CUBN: variants seen among roughly 807,000 people sequenced by gnomAD.
CUBN encodes 460 kDa receptor.
Under a neutral mutation model 405.3 loss-of-function variants are expected in CUBN, and 282 were observed. The ratio of observed to expected loss-of-function variants is 0.70; its 90% confidence interval spans 0.63 to 0.77. CUBN has a LOEUF of 0.77. CUBN is among the 30% of genes least tolerant of loss of function. The pLI is 0.00. For synonymous variants in CUBN, 1,684 were observed against 1,617.0 expected, an observed-to-expected ratio of 1.04 and a Z score of -0.99; for missense variants, 4,514 against 4,475.2, an observed-to-expected ratio of 1.01 and a Z score of -0.25.
At chr10:16,879,589 T>C (rs1840610653) in intron 56 of CUBN, among the ~76,000 whole-genome samples, 1 of 152,250 alleles carries the variant, frequency 6.6e-6, no homozygotes, top group Non-Finnish European at 1.5e-5. Flanking sequence ...AAAATCGTTA[T>C]GCACACTTAC....
intron 10 of CUBN, among the ~76,000 whole-genome samples, chr10:17,107,975 T>C (rs1836676192): frequency 6.6e-6 from 1 of 152,192 alleles, no homozygotes; most frequent in South Asian, 2.1e-4. Flanking sequence ...TCTGAAACTG[T>C]TGAAGCTCTG....
chr10:16,890,193 A>G (rs780166928), intron 55 of CUBN, among the ~76,000 whole-genome samples, 178 bp downstream of exon 55: 11 of 151,980 alleles, frequency 7.2e-5, no homozygotes, highest in Non-Finnish European at 1.2e-4. Flanking sequence ...TCACTTCTCA[A>G]TTCAGTTCTG....
At position 17,044,659 on chromosome 10, in the gene CUBN, T is replaced by C. The variant is rs576563950; in HGVS notation, c.3672+348A>G. ...AAAATCCTAGTGGAATGACTCATATTATCTTCTCTACTTCGCCAAAACTGT... is the reference window on the plus strand; with the variant it reads ...AAAATCCTAGTGGAATGACTCATATCATCTTCTCTACTTCGCCAAAACTGT... On this transcript the variant is annotated intron_variant, in intron 25 of 66. Transcript: ENST00000377833. Among the ~76,000 whole-genome samples the C allele has an allele frequency of 3.3e-5, 5 of 152,296 alleles. No homozygotes were observed. The East Asian group carries it at 9.6e-4, about 29-fold the overall frequency.
chr10:16,910,043 T>A (rs1027335193), intron 48 of CUBN, among the ~76,000 whole-genome samples: 1 of 152,004 alleles, frequency 6.6e-6, no homozygotes, highest in African/African-American at 2.4e-5. Flanking sequence ...CTTCACTCTT[T>A]TCTTTTTTTT....
intron 9 of CUBN, 130 bp from the exon 10 acceptor site, chr10:17,109,865 T>A: frequency 1.4e-6 from 1 of 694,864 alleles, no homozygotes; most frequent in Non-Finnish European, 2.6e-6. Context: ...AAAATATAAG[T>A]ATAAAATGTC....
intron 60 of CUBN, among the ~76,000 whole-genome samples, chr10:16,842,940 C>A (rs1052064160): frequency 6.6e-6 from 1 of 152,242 alleles, no homozygotes; most frequent in South Asian, 2.1e-4. Flanking sequence ...TAAGGACTCC[C>A]TGTCATGGGC....
chr10:17,076,898 A>G (rs574883565), intron 17 of CUBN, among the ~76,000 whole-genome samples: 3 of 152,360 alleles, frequency 2.0e-5, no homozygotes, highest in Middle Eastern at 3.4e-3. Flanking sequence ...CGTTATTGAA[A>G]GCCACAGACG....
At chr10:17,095,796 T>A (rs1836360472) in intron 14 of CUBN, among the ~76,000 whole-genome samples, 1 of 152,166 alleles carries the variant, frequency 6.6e-6, no homozygotes, top group Non-Finnish European at 1.5e-5. Context: ...CACTTTCATG[T>A]TCATTGCAGC....
chr10:17,045,858 C>A, intron 24 of CUBN, 76 bp downstream of exon 24: 1 of 1,450,850 alleles, frequency 6.9e-7, no homozygotes, highest in South Asian at 1.1e-5. Flanking sequence ...AAGTGAGGGA[C>A]AGAGCATGAC....
intron 28 of CUBN, among the ~76,000 whole-genome samples, chr10:17,017,443 T>C (rs947834043): frequency 6.6e-6 from 1 of 152,150 alleles, no homozygotes; most frequent in African/African-American, 2.4e-5. Context: ...CTCTTGTTAG[T>C]ACTGGGACCT....
chr10:17,128,038 T>A (rs895061957), intron 2 of CUBN, 114 bp from the exon 3 acceptor site: 1 of 706,360 alleles, frequency 1.4e-6, no homozygotes, highest in South Asian at 1.8e-5. Context: ...ACTAAGATCT[T>A]GCCTATTATT....
intron 31 of CUBN, among the ~76,000 whole-genome samples, chr10:16,976,579 A>C (rs1314079110): frequency 2.6e-5 from 4 of 151,678 alleles, no homozygotes; most frequent in African/African-American, 9.7e-5. Context: ...TATTTTTTTA[A>C]TGATGACTTC....
At chr10:17,030,970 T>C (rs1834773617) in intron 27 of CUBN, among the ~76,000 whole-genome samples, 1 of 152,076 alleles carries the variant, frequency 6.6e-6, no homozygotes, top group Non-Finnish European at 1.5e-5. Context: ...ATACAGAAAG[T>C]CTTTATTCTC....
At chr10:16,866,746 A>T (rs1486805376) in intron 59 of CUBN, among the ~76,000 whole-genome samples, 1 of 152,220 alleles carries the variant, frequency 6.6e-6, no homozygotes, top group Non-Finnish European at 1.5e-5. Flanking sequence ...GGAGACAAGC[A>T]GGCACATTTC....
intron 60 of CUBN, among the ~76,000 whole-genome samples, chr10:16,849,445 G>T (rs904615958): frequency 6.6e-6 from 1 of 152,076 alleles, no homozygotes; most frequent in African/African-American, 2.4e-5. Flanking sequence ...CTCTATTCGT[G>T]GAGCTGTCTT....
In CUBN at chr10:17,122,853, C is replaced by G; in HGVS notation, c.535G>C (p.Gly179Arg). 1 of 1,613,816 alleles carries G rather than the reference C, an allele frequency of 6.2e-7. No individual in the cohort carries two copies. The highest frequency in any genetic ancestry group is 8.5e-7 in the Non-Finnish European group (1 of 1,179,924). Reference protein sequence around the residue: ...ADVNECEIYSGTPLSCQNGGT... With the variant: ...ADVNECEIYSRTPLSCQNGGT... Reference sequence around the variant, plus strand: ...CCATTCTGGCAGCTCAAGGGTGTTCCTGAGTAAATCTCACATTCGTTAACA... The same window carrying G: ...CCATTCTGGCAGCTCAAGGGTGTTCGTGAGTAAATCTCACATTCGTTAACA... Residue 179 changes from glycine (G) to arginine (R), a missense_variant, in exon 6 of 67, where the codon GGA (glycine) becomes CGA (arginine). Gly to Arg is a moderately radical substitution (Grantham distance 125, BLOSUM62 -2). Transcript: ENST00000377833.
intron 59 of CUBN, among the ~76,000 whole-genome samples, chr10:16,858,793 T>C (rs1839935217): frequency 6.6e-6 from 1 of 152,242 alleles, no homozygotes; most frequent in African/African-American, 2.4e-5. Flanking sequence ...ATCAATGGAA[T>C]AGAATACAGA....
chr10:16,984,140 C>G lies in CUBN; in HGVS notation c.4490G>C (p.Arg1497Thr). The G allele has an allele frequency of 6.2e-7, 1 of 1,614,160 alleles. No individual in the cohort carries two copies. The highest frequency in any genetic ancestry group is 2.2e-5 in the East Asian group (1 of 44,874). ...RFKTDLSING[R>T]GFNASWQAVT... ...TGCTTGCCATGACGCATTGAAGCCT[C>G]TCCCATTTATGGACAAGTCGGTCTT... The change falls in exon 30 of 67, where the codon AGA becomes ACA. Residue 1497 changes from arginine to threonine, a missense_variant. By Grantham distance (71) the Arg-to-Thr change is moderately conservative. Transcript: ENST00000377833.
At chr10:16,922,943 G>A (rs556692155) in intron 43 of CUBN, among the ~76,000 whole-genome samples, 26 of 150,778 alleles carry the variant, frequency 1.7e-4, no homozygotes, top group Admixed American at 4.6e-4. Context: ...TCAACTTCCC[G>A]GGCTCAAGTG....
Sources: gnomAD v4.1 joint callset for allele counts (sites outside exome capture counted in the v4.1 genomes callset) on GRCh38, gnomAD v4.1.1 for gene constraint, MANE v1.5 for transcripts, NCBI Gene and HGNC (gene_info 2026-07-23, HGNC 2026-07-21) for gene names.